Variants in SACM1L observed in about 807,000 individuals in gnomAD.
The protein encoded by SACM1L is phosphatidylinositol-3-phosphatase SAC1.
In SACM1L, 32 loss-of-function variants were observed where a neutral mutation model predicts 89.5. The observed-to-expected ratio is 0.36, with a 90% CI of 0.27 to 0.48. The LOEUF is 0.48. Ranked by LOEUF, SACM1L falls within the 20% of genes least tolerant of loss-of-function variation. The pLI is 0.99. For missense variants in SACM1L, 543 were observed against 708.5 expected, an observed-to-expected ratio of 0.77 and a Z score of 2.65; for synonymous variants, 213 against 232.8, an observed-to-expected ratio of 0.92 and a Z score of 0.77.
At chr3:45,709,192 G>A (rs1229128766) in intron 4 of SACM1L, among the ~76,000 whole-genome samples, 2 of 152,192 alleles carry the variant, frequency 1.3e-5, no homozygotes, top group Non-Finnish European at 2.9e-5. Context: ...GGTCATAACC[G>A]AAGGTGATGT....
chr3:45,701,790 A>G (rs1698279142), intron 1 of SACM1L, among the ~76,000 whole-genome samples: 1 of 152,156 alleles, frequency 6.6e-6, no homozygotes, highest in South Asian at 2.1e-4. Flanking sequence ...TTCCTGCACA[A>G]GTTAAACATA....
In SACM1L at chr3:45,706,788, C is replaced by G. The variant is rs2125688042; in HGVS notation, c.214C>G (p.Leu72Val). The G allele has an allele frequency of 6.2e-7, 1 of 1,607,634 alleles. No individual in the cohort carries two copies. The highest frequency in any genetic ancestry group is 2.2e-5 in the East Asian group (1 of 44,740). Residue 72 changes from leucine to valine, a missense_variant, in exon 4 of 20, where the codon CTT becomes GTT. Around this residue, in one of 2 missense-constraint regions of SACM1L, gnomAD observed 173 missense variants for 180.9 expected, o/e 0.96. Coordinates refer to ENST00000389061, the MANE Select transcript of SACM1L (RefSeq NM_014016.5). The part of the protein sequence containing the change: ...GTIHLVAGNY[L>V]IVITKKIKVG... ...TGGCTTGCTTTTTGCAGGTAATTAT[C>G]TTATAGTCATTACCAAAAAGATAAA...
intron 8 of SACM1L, among the ~76,000 whole-genome samples, chr3:45,720,877 T>A (rs1412158631): frequency 1.3e-5 from 2 of 152,238 alleles, no homozygotes; most frequent in African/African-American, 4.8e-5. Flanking sequence ...GTAAGAAATA[T>A]GTCAGAAAGG....
intron 1 of SACM1L, among the ~76,000 whole-genome samples, chr3:45,691,566 C>T (rs1359023138): frequency 6.6e-6 from 1 of 151,388 alleles, no homozygotes; most frequent in Non-Finnish European, 1.5e-5. Flanking sequence ...AAAAGGATTG[C>T]TAAAAGGATT....
chr3:45,739,770 G>A lies in SACM1L; in HGVS notation c.1627+126G>A. 4 of 851,130 alleles carry A rather than the reference G, an allele frequency of 4.7e-6. No individual in the cohort carries two copies. The South Asian group carries it at 5.8e-5, about 12-fold the overall frequency. The allele number at this position is 851,130 out of a possible 1,614,324, so 52.7% of individuals were successfully genotyped here. A position where few individuals can be genotyped will look rare whatever the true frequency, so the allele number is the denominator to read the frequency against. ...TAAATTTAATGGGTAAAGTGGATGT[G>A]ACATTAGATTGTCATTAGATGTGAC... On this transcript the variant is annotated intron_variant, in intron 19 of 19. Transcript: ENST00000389061.
Position 45,738,774 on chromosome 3 carries a change from G to C in SACM1L, c.1477-7G>C, listed in dbSNP as rs756609025. 1 of 1,593,966 alleles carries C rather than the reference G, an allele frequency of 6.3e-7. No homozygotes were observed. The highest frequency in any genetic ancestry group is 1.1e-5 in the South Asian group (1 of 90,572). ...TGAGTTTACGAATTTCTTCCTTTCT[G>C]TTCTAGGATTCCATAGACTTATTTC... On this transcript the variant is annotated splice_polypyrimidine_tract_variant and splice_region_variant and intron_variant, in intron 17 of 19. Coordinates refer to ENST00000389061, the MANE Select transcript of SACM1L (RefSeq NM_014016.5).
intron 2 of SACM1L, among the ~76,000 whole-genome samples, chr3:45,704,262 C>A (rs540510261): frequency 6.6e-6 from 1 of 151,928 alleles, no homozygotes; most frequent in African/African-American, 2.4e-5. Context: ...TCTTAAAGTA[C>A]AATATTTGAA....
intron 6 of SACM1L, 116 bp from the exon 7 acceptor site, chr3:45,713,930 C>G (rs1187974510): frequency 2.3e-6 from 1 of 440,590 alleles, no homozygotes; most frequent in East Asian, 3.9e-5. Context: ...ATTATATTAC[C>G]CATAAGTTTA....
At chr3:45,698,513 A>T (rs1248310090) in intron 1 of SACM1L, among the ~76,000 whole-genome samples, 1 of 152,184 alleles carries the variant, frequency 6.6e-6, no homozygotes, top group Non-Finnish European at 1.5e-5. Flanking sequence ...AGACATCTCT[A>T]CCTTGATCCA....
intron 19 of SACM1L, among the ~76,000 whole-genome samples, chr3:45,741,787 A>G (rs946325195): frequency 2.0e-5 from 3 of 152,230 alleles, no homozygotes; most frequent in Non-Finnish European, 4.4e-5. Flanking sequence ...ATGGCTGTAC[A>G]TTCTTTGTTT....
intron 1 of SACM1L, among the ~76,000 whole-genome samples, chr3:45,693,384 C>G (rs1028480898): frequency 6.6e-6 from 1 of 152,180 alleles, no homozygotes; most frequent in African/African-American, 2.4e-5. Flanking sequence ...AAGGAACTTT[C>G]CAGTATAGAC....
intron 11 of SACM1L, among the ~76,000 whole-genome samples, chr3:45,728,507 A>G (rs1698976174): frequency 1.3e-5 from 2 of 152,332 alleles, no homozygotes; most frequent in South Asian, 2.1e-4. Context: ...TCCTAATGTT[A>G]TAAGTATCTA....
chr3:45,743,509 C>T (rs1699360432), intron 19 of SACM1L, 24 bp from the exon 20 acceptor site: 5 of 1,591,086 alleles, frequency 3.1e-6, no homozygotes, highest in Non-Finnish European at 4.3e-6. Context: ...ACTTATTTAG[C>T]TTTTTGTTTC....
rs145359418 is a variant in SACM1L, at chr3:45,694,118, T to C, written c.32+4621T>C. On this transcript the variant is annotated intron_variant, in intron 1 of 19. Transcript: ENST00000389061. ...AAGCTCATAATAACTTTCTAAAAGG[T>C]TCAGTGGAAAGTTAGAGGTGCAAAA... 5.9e-5 allele frequency among the ~76,000 whole-genome samples: 9 copies of C among 152,338 alleles called. No homozygotes were observed. In the East Asian group the frequency reaches 1.7e-3, roughly 29 times the overall value.
intron 13 of SACM1L, among the ~76,000 whole-genome samples, chr3:45,732,751 G>A (rs191663752): frequency 6.6e-6 from 1 of 152,198 alleles, no homozygotes; most frequent in East Asian, 1.9e-4. Context: ...TATCATATTG[G>A]TTCAGGTTTA....
At chr3:45,705,932 A>T (rs1479236391) in intron 3 of SACM1L, among the ~76,000 whole-genome samples, 2 of 152,208 alleles carry the variant, frequency 1.3e-5, no homozygotes, top group Non-Finnish European at 2.9e-5. Flanking sequence ...ATTTTTGTTT[A>T]GATTTAATTT....
intron 1 of SACM1L, among the ~76,000 whole-genome samples, chr3:45,697,068 G>T (rs1430901423): frequency 6.6e-6 from 1 of 151,862 alleles, no homozygotes; most frequent in Non-Finnish European, 1.5e-5. Flanking sequence ...TAAAAGTAAG[G>T]TCTCAAAGAG....
rs918741760 is a variant in SACM1L at position 45,731,324 on chromosome 3, G to A, written c.945G>A (p.Lys315=). Residue 315 remains lysine, a synonymous_variant, in exon 12 of 20, where the codon AAG becomes AAA. Coordinates refer to ENST00000389061, the MANE Select transcript of SACM1L (RefSeq NM_014016.5). ...AGATTAACCAGAAGGGCTCGGAGAAGCCACTTGAGCAGACATTTGCAACAA... is the reference window on the plus strand; with the variant it reads ...AGATTAACCAGAAGGGCTCGGAGAAACCACTTGAGCAGACATTTGCAACAA... ...INLINQKGSE[K]PLEQTFATMV... 4 of 1,613,126 alleles carry A rather than the reference G, an allele frequency of 2.5e-6. No individual in the cohort carries two copies. In the African/African-American group the frequency reaches 5.3e-5, roughly 22 times the overall value.
chr3:45,729,475 C>T lies in SACM1L; in HGVS notation c.922-1826C>T, dbSNP rs368632537. ...GAAGGACTCCCTTTAGCATTTCTTA[C>T]AGATTGGGTTTAATGATAATGAACT... is the stretch of plus-strand genomic sequence containing the variant. On this transcript the variant is annotated intron_variant, in intron 11 of 19. Coordinates refer to ENST00000389061, the MANE Select transcript of SACM1L (RefSeq NM_014016.5). Among the ~76,000 whole-genome samples, 6 of 152,254 alleles carry T rather than the reference C, an allele frequency of 3.9e-5. No individual in the cohort carries two copies. The East Asian group carries it at 9.6e-4, about 24-fold the overall frequency.
Sources: gnomAD v4.1 joint callset for allele counts (sites outside exome capture counted in the v4.1 genomes callset) on GRCh38, gnomAD v4.1.1 for gene constraint, gnomAD v4.1.1 regional missense constraint, MANE v1.5 for transcripts, NCBI Gene and HGNC (gene_info 2026-07-23, HGNC 2026-07-21) for gene names.